The following ADCY10 variants were observed in gnomAD, a reference collection of about 807,000 sequenced individuals.
ADCY10 encodes adenylate cyclase type 10.
In ADCY10, 156 loss-of-function variants were observed where a neutral mutation model predicts 183.3. The ratio of observed to expected loss-of-function variants is 0.85; its 90% confidence interval spans 0.75 to 0.97. The LOEUF (loss-of-function observed/expected upper bound fraction) is 0.97, where lower values mean the gene tolerates loss of function less well. ADCY10 is among the 50% of genes least tolerant of loss of function. ADCY10 has a pLI of 0.00. For missense variants in ADCY10, 1,745 were observed against 1,934.3 expected (o/e 0.90, Z 1.84); for synonymous variants, 645 against 670.0 (o/e 0.96, Z 0.58).
intron 18 of ADCY10, among the ~76,000 whole-genome samples, chr1:167,853,022 C>T (rs141458486): frequency 6.6e-6 from 1 of 152,252 alleles, no homozygotes; most frequent in East Asian, 1.9e-4. Flanking sequence ...CCCTCATTGT[C>T]ACCTTTAGGT....
At chr1:167,819,864 A>T (rs1662776655) in intron 30 of ADCY10, 1 of 787,416 alleles carries the variant, frequency 1.3e-6, no homozygotes, top group East Asian at 2.5e-5. Context: ...CGCGCCCGGC[A>T]TGATTTTCTA....
chr1:167,859,888 A>C lies in ADCY10; in HGVS notation c.1815T>G (p.Pro605=). 6.2e-7 allele frequency: 1 copy of C among 1,606,700 alleles called. No individual in the cohort carries two copies. Among genetic ancestry groups the C allele is most frequent in the Non-Finnish European group, 8.5e-7 (1 of 1,173,256 alleles). The part of the protein sequence containing the change: ...LLNDIFHVQF[P]ISREISRMST... ...TCATCCTGGAAATCTCCCGAGAAAT[A>C]GGGAACTGTACAAAGAATTATGAGA... is the stretch of plus-strand genomic sequence containing the variant. The change falls in exon 16 of 33, where the codon CCT becomes CCG. Residue 605 remains proline (P), a synonymous_variant. Coordinates refer to ENST00000367851, the MANE Select transcript of ADCY10 (RefSeq NM_018417.6).
intron 2 of ADCY10, 57 bp downstream of exon 2, chr1:167,904,936 A>G: frequency 3.7e-6 from 6 of 1,613,428 alleles, no homozygotes; most frequent in Non-Finnish European, 5.1e-6. Flanking sequence ...CTGCATGTGA[A>G]TTCCCACGCG....
chr1:167,911,595 G>A (rs530896561), intron 1 of ADCY10, among the ~76,000 whole-genome samples: 54 of 152,350 alleles, frequency 3.5e-4, no homozygotes, highest in African/African-American at 1.2e-3. Context: ...GTCCTGTTCC[G>A]GCCAATGGGC....
intron 31 of ADCY10, among the ~76,000 whole-genome samples, chr1:167,813,375 A>AC (rs1558139458): frequency 6.6e-6 from 1 of 152,030 alleles, no homozygotes; most frequent in African/African-American, 2.4e-5. Flanking sequence ...ACAAAAAAAA[A>AC]CCCGTCAACC....
intron 8 of ADCY10, among the ~76,000 whole-genome samples, chr1:167,886,145 G>T (rs1397347919): frequency 6.6e-6 from 1 of 152,072 alleles, no homozygotes; most frequent in African/African-American, 2.4e-5. Context: ...TAGATTCCAT[G>T]CCATCCCCAT....
At chr1:167,818,457 A>C (rs765150575) in intron 30 of ADCY10, 190 bp from the exon 31 acceptor site, 10 of 708,532 alleles carry the variant, frequency 1.4e-5, no homozygotes, top group Non-Finnish European at 2.3e-5. Flanking sequence ...GGAAATAATA[A>C]ATTTTTTTGA....
At chr1:167,860,646 T>C (rs959730551) in intron 15 of ADCY10, among the ~76,000 whole-genome samples, 7 of 152,196 alleles carry the variant, frequency 4.6e-5, no homozygotes, top group African/African-American at 1.7e-4. Context: ...AGAAAAAAAT[T>C]AGTCAGCAGA....
At chr1:167,837,045 TAAAATATCTTTA>T (rs775838777) in intron 22 of ADCY10, 192 bp downstream of exon 22, 16 of 615,524 alleles carry the variant, frequency 2.6e-5, no homozygotes, top group Non-Finnish European at 4.4e-5. Flanking sequence ...ATAAATAAAA[TAAAATATCTTTA>T]AAAACAAAAG....
intron 30 of ADCY10, 28 bp from the exon 31 acceptor site, chr1:167,818,295 A>G: frequency 6.3e-7 from 1 of 1,594,730 alleles, no homozygotes; most frequent in South Asian, 1.1e-5. Context: ...AATAAGAAAA[A>G]TCAGTATCAC....
At chr1:167,847,003 G>T (rs1286682942) in intron 19 of ADCY10, among the ~76,000 whole-genome samples, 1 of 151,214 alleles carries the variant, frequency 6.6e-6, no homozygotes, top group African/African-American at 2.4e-5. Context: ...TCGGCTCACT[G>T]CAACCTCCGC....
At position 167,899,933 on chromosome 1, in the gene ADCY10, G is replaced by A. The variant is rs2102407967; in HGVS notation, c.437-305C>T. ...TTTCTTCAATTATGTATACTTAAGG[G>A]CAACAGGGAATACCTTTAATAATTC... On this transcript the variant is annotated intron_variant, in intron 5 of 32. Transcript: ENST00000367851. Among the ~76,000 whole-genome samples the A allele has an allele frequency of 1.3e-5, 2 of 152,240 alleles. 1 individual carries two copies. Among genetic ancestry groups the A allele is most frequent in the Non-Finnish European group, 2.9e-5 (2 of 68,028 alleles).
At chr1:167,902,858 A>G (rs546141657) in intron 3 of ADCY10, among the ~76,000 whole-genome samples, 3 of 152,386 alleles carry the variant, frequency 2.0e-5, no homozygotes, top group Admixed American at 6.5e-5. Flanking sequence ...AGCATCCATC[A>G]TTAGGAGACA....
At chr1:167,882,512 G>A (rs1667940441) in intron 9 of ADCY10, among the ~76,000 whole-genome samples, 1 of 147,276 alleles carries the variant, frequency 6.8e-6, no homozygotes, top group South Asian at 2.1e-4. Context: ...AAAGAACAGA[G>A]CGAAAACACC....
At position 167,905,044 on chromosome 1, in the gene ADCY10, G is replaced by A. The variant is rs773743936; in HGVS notation, c.97C>T (p.Arg33Ter). The part of the protein sequence containing the change: ...LIVYGHFSPE[R>*]PFMDYFDGVL... The stretch of plus-strand genomic sequence containing the variant: ...CCGTCAAAATAATCCATAAAGGGTC[G>A]CTCTGGGGAGAAATGTCCATAGACA... Residue 33 changes from arginine (R) to a stop codon, truncating the protein, a stop_gained, in exon 2 of 33, where the codon CGA (arginine) becomes TGA (stop). Transcript: ENST00000367851. LOFTEE classifies it high-confidence loss of function. 23 of 1,614,086 alleles carry A rather than the reference G, an allele frequency of 1.4e-5. No homozygotes were observed. The highest frequency in any genetic ancestry group is 3.3e-5 in the Admixed American group (2 of 60,010).
At chr1:167,879,888 C>T (rs2102239024) in intron 11 of ADCY10, among the ~76,000 whole-genome samples, 1 of 152,258 alleles carries the variant, frequency 6.6e-6, no homozygotes. Context: ...ATATAGCCTC[C>T]CACTGCTCCC....
At chr1:167,878,190 GTTTGGTTTGTACAACC>G (rs1667611341) in intron 12 of ADCY10, among the ~76,000 whole-genome samples, 1 of 152,084 alleles carries the variant, frequency 6.6e-6, no homozygotes, top group African/African-American at 2.4e-5. Context: ...AGGATTTTTT[GTTTGGTTTGTACAACC>G]TTTGAAGAAT....
At chr1:167,882,697 T>C (rs1667953308) in intron 9 of ADCY10, among the ~76,000 whole-genome samples, 1 of 151,728 alleles carries the variant, frequency 6.6e-6, no homozygotes, top group South Asian at 2.1e-4. Context: ...GAGACTTATG[T>C]GTAGTGAGAG....
intron 30 of ADCY10, chr1:167,819,942 C>T (rs894001414): frequency 1.7e-6 from 2 of 1,170,726 alleles, no homozygotes; most frequent in African/African-American, 3.0e-5. Flanking sequence ...CCATCAACTT[C>T]ATCTTCATCT....
Sources: gnomAD v4.1 joint callset for allele counts (sites outside exome capture counted in the v4.1 genomes callset) on GRCh38, gnomAD v4.1.1 for gene constraint, MANE v1.5 for transcripts, NCBI Gene and HGNC (gene_info 2026-07-23, HGNC 2026-07-21) for gene names.